Variants in TJP1 observed in about 807,000 individuals in gnomAD.
TJP1 encodes tight junction protein 1, also known as tight junction protein ZO-1.
TJP1 carries 43 observed loss-of-function variants against 194.2 expected under a neutral mutation model. The ratio of observed to expected loss-of-function variants is 0.22; its 90% CI spans 0.17 to 0.29. TJP1 has a LOEUF of 0.29. Among genes scored for constraint, TJP1 ranks in the 10% least tolerant of loss-of-function variants. TJP1 has a pLI of 1.00. For missense variants in TJP1, 1,971 were observed against 2,185.7 expected, an observed-to-expected ratio of 0.90 and a Z score of 1.96; for synonymous variants, 801 against 779.0, an observed-to-expected ratio of 1.03 and a Z score of -0.47.
intron 5 of TJP1, among the ~76,000 whole-genome samples, chr15:29,763,767 C>CAA (rs10680239): frequency 0.72 from 87,366 of 121,806 alleles, 31,286 homozygotes; most frequent in East Asian, 0.84. Flanking sequence ...GACTCCGTCT[C>CAA]AAAAAAAAAA....
chr15:29,734,439 T>TA (rs2043885811), intron 11 of TJP1, 57 bp from the exon 12 acceptor site: 14 of 1,272,638 alleles, frequency 1.1e-5, no homozygotes, highest in Non-Finnish European at 1.4e-5. Context: ...GAAAATAACA[T>TA]ACGCAGGACA....
chr15:29,731,714 C>T (rs560778732), intron 15 of TJP1, among the ~76,000 whole-genome samples: 29 of 151,840 alleles, frequency 1.9e-4, no homozygotes, highest in African/African-American at 6.5e-4. Context: ...TTGTTGTATA[C>T]TGTTAACGAT....
intron 2 of TJP1, among the ~76,000 whole-genome samples, chr15:29,926,789 C>T (rs1401409216): frequency 6.6e-6 from 1 of 152,074 alleles, no homozygotes; most frequent in East Asian, 1.9e-4. Context: ...TTATTTTTCA[C>T]TGGTCATATT....
intron 2 of TJP1, among the ~76,000 whole-genome samples, chr15:29,918,594 C>T (rs1286153445): frequency 6.6e-6 from 1 of 152,000 alleles, no homozygotes; most frequent in Non-Finnish European, 1.5e-5. Flanking sequence ...AAAAATTAGC[C>T]AGGTGTGGCG....
intron 8 of TJP1, among the ~76,000 whole-genome samples, chr15:29,750,508 T>A (rs752516318): frequency 6.6e-6 from 1 of 152,194 alleles, no homozygotes; most frequent in African/African-American, 2.4e-5. Flanking sequence ...ACTCCTGTTA[T>A]GTTTAATTTC....
At chr15:29,912,763 T>C (rs1217433310) in intron 2 of TJP1, among the ~76,000 whole-genome samples, 1 of 149,856 alleles carries the variant, frequency 6.7e-6, no homozygotes, top group South Asian at 2.1e-4. Flanking sequence ...GTGATGGAAC[T>C]GTTCTGAATT....
chr15:29,904,552 A>G (rs1280872595), intron 2 of TJP1, among the ~76,000 whole-genome samples: 4 of 151,824 alleles, frequency 2.6e-5, no homozygotes, highest in African/African-American at 9.7e-5. Context: ...TAAACAAATA[A>G]TTTACCAAAA....
chr15:29,708,527 G>A (rs1452513135), intron 25 of TJP1, 32 bp downstream of exon 25: 1 of 1,528,200 alleles, frequency 6.5e-7, no homozygotes, highest in South Asian at 1.2e-5. Context: ...AAATCACAGG[G>A]CCAATGCTTT....
intron 2 of TJP1, among the ~76,000 whole-genome samples, chr15:29,951,208 C>T (rs958262874): frequency 2.0e-5 from 3 of 151,914 alleles, no homozygotes; most frequent in Admixed American, 6.6e-5. Context: ...TGCTCTGTCA[C>T]CCAGGCTGGA....
chr15:29,744,151 C>G (rs1044677997), intron 8 of TJP1, among the ~76,000 whole-genome samples: 1 of 152,134 alleles, frequency 6.6e-6, no homozygotes, highest in Non-Finnish European at 1.5e-5. Context: ...TGCACTCCAG[C>G]TTGGTGACAG....
intron 1 of TJP1, among the ~76,000 whole-genome samples, chr15:29,957,530 C>T (rs891723103): frequency 1.3e-5 from 2 of 152,116 alleles, no homozygotes; most frequent in Non-Finnish European, 2.9e-5. Context: ...TTGTCCTGCA[C>T]CTTACATTTT....
intron 1 of TJP1, among the ~76,000 whole-genome samples, chr15:29,809,066 G>A (rs1027384003): frequency 6.6e-6 from 1 of 152,078 alleles, no homozygotes; most frequent in African/African-American, 2.4e-5. Flanking sequence ...TATATGATAC[G>A]AAATATGTGA....
intron 2 of TJP1, among the ~76,000 whole-genome samples, chr15:29,891,686 T>C (rs959337791): frequency 2.0e-5 from 3 of 152,200 alleles, no homozygotes; most frequent in Admixed American, 6.5e-5. Flanking sequence ...CAGCAACATT[T>C]GATGTTACCA....
At chr15:29,711,614 C>T (rs1044993696) in intron 23 of TJP1, among the ~76,000 whole-genome samples, 1 of 152,146 alleles carries the variant, frequency 6.6e-6, no homozygotes, top group African/African-American at 2.4e-5. Context: ...GAGCCGCCTG[C>T]CTCTGCTTCT....
In TJP1 at chr15:29,732,434, T is replaced by C. The variant is rs927206472; in HGVS notation, c.2016A>G (p.Ala672=). 1.2e-6 allele frequency: 2 copies of C among 1,612,892 alleles called. No individual in the cohort carries two copies. Among genetic ancestry groups the C allele is most frequent in the Non-Finnish European group, 1.7e-6 (2 of 1,179,928 alleles). The part of the protein sequence containing the change: ...AREEPDIYQI[A]KSEPRDAGTD... The stretch of plus-strand genomic sequence containing the variant: ...TAAGTTAGCCTTGAGGCTACTTACT[T>C]GCAATTTGATAAATATCTGGTTCTT... Residue 672 remains alanine, a splice_region_variant and synonymous_variant, in exon 15 of 28, where the codon GCA becomes GCG. Transcript: ENST00000614355.
chr15:29,853,758 G>A (rs1776435331), intron 2 of TJP1, among the ~76,000 whole-genome samples: 1 of 152,142 alleles, frequency 6.6e-6, no homozygotes. Flanking sequence ...TCTATAAAAT[G>A]CAATTTTACA....
chr15:29,936,843 T>C (rs2054899655), intron 2 of TJP1, among the ~76,000 whole-genome samples: 1 of 152,146 alleles, frequency 6.6e-6, no homozygotes, highest in Non-Finnish European at 1.5e-5. Flanking sequence ...CAAGTTCCCT[T>C]AGAAAATATA....
At chr15:29,805,206 C>G (rs957311878) in intron 1 of TJP1, among the ~76,000 whole-genome samples, 2 of 152,154 alleles carry the variant, frequency 1.3e-5, no homozygotes, top group Non-Finnish European at 2.9e-5. Context: ...CACAATCTGC[C>G]AAGAGTTTGT....
chr15:29,699,995 T>A, downstream of TJP1: 1 of 293,812 alleles, frequency 3.4e-6, no homozygotes, highest in Non-Finnish European at 6.2e-6. Flanking sequence ...CCCACCCATC[T>A]GTACATGCTG....
Sources: allele counts gnomAD v4.1 joint callset (sites outside exome capture counted in the v4.1 genomes callset), GRCh38; gene constraint gnomAD v4.1.1; transcripts MANE v1.5; gene names NCBI Gene and HGNC (gene_info 2026-07-23, HGNC 2026-07-21).